SSH2: variants seen among roughly 807,000 people sequenced by gnomAD.
SSH2 encodes the protein slingshot protein phosphatase 2.
Under a neutral mutation model 135.2 loss-of-function variants are expected in SSH2, and 37 were observed. The ratio of observed to expected loss-of-function variants is 0.27; its 90% confidence interval spans 0.21 to 0.36. The LOEUF (loss-of-function observed/expected upper bound fraction) is 0.36. Among genes scored for constraint, SSH2 ranks in the 10% least tolerant of loss-of-function variants. The probability of loss-of-function intolerance (pLI) is 1.00; values close to 1 mark genes in which losing one functional copy is unlikely to be tolerated. For missense variants in SSH2, 1,408 were observed against 1,765.3 expected (o/e 0.80, Z 3.63); for synonymous variants, 628 against 646.2 (o/e 0.97, Z 0.43).
intron 3 of SSH2, chr17:29,761,496 C>T: frequency 1.1e-6 from 1 of 952,292 alleles, no homozygotes; most frequent in Non-Finnish European, 1.3e-6. Flanking sequence ...GTCCTGAGAG[C>T]GGAGAGGGTA....
chr17:29,927,082 T>C (rs1438054572), intron 1 of SSH2, among the ~76,000 whole-genome samples: 1 of 152,162 alleles, frequency 6.6e-6, no homozygotes, highest in Non-Finnish European at 1.5e-5. Flanking sequence ...AGGCATACTG[T>C]GTAAAGTAAA....
chr17:29,899,449 A>G (rs1343946708), intron 1 of SSH2, among the ~76,000 whole-genome samples: 2 of 152,348 alleles, frequency 1.3e-5, no homozygotes, highest in South Asian at 2.1e-4. Context: ...TACAAAATCA[A>G]TGTGCAAAAA....
At chr17:29,847,786 A>T (rs2043157901) in intron 2 of SSH2, among the ~76,000 whole-genome samples, 1 of 152,026 alleles carries the variant, frequency 6.6e-6, no homozygotes, top group South Asian at 2.1e-4. Context: ...TAGCATGGAC[A>T]CTCCCACCAG....
chr17:29,897,275 A>G lies in SSH2; in HGVS notation c.63+32663T>C, dbSNP rs554874363. Reference sequence around the variant, plus strand: ...CATAATGACAGGATCAAATTTACACATAACAACATTAACCTTAAACGTAAA... The same window carrying G: ...CATAATGACAGGATCAAATTTACACGTAACAACATTAACCTTAAACGTAAA... On this transcript the variant is annotated intron_variant, in intron 1 of 15. Coordinates refer to ENST00000540801, the MANE Select transcript of SSH2 (RefSeq NM_001282129.2). 2.6e-5 allele frequency among the ~76,000 whole-genome samples: 4 copies of G among 152,262 alleles called. No homozygotes were observed. In the South Asian group the frequency reaches 8.3e-4, roughly 32 times the overall value.
At chr17:29,916,814 T>C (rs2066889872) in intron 1 of SSH2, among the ~76,000 whole-genome samples, 2 of 152,178 alleles carry the variant, frequency 1.3e-5, no homozygotes, top group Non-Finnish European at 2.9e-5. Context: ...TACAAGATGC[T>C]AACACGTGGT....
intron 1 of SSH2, among the ~76,000 whole-genome samples, chr17:29,851,909 A>G (rs565985715): frequency 1.3e-5 from 2 of 152,300 alleles, no homozygotes; most frequent in African/African-American, 4.8e-5. Flanking sequence ...AAAAGTAAAA[A>G]TTAAACCAAA....
At chr17:29,760,986 T>G (rs945257638) in intron 3 of SSH2, 2 of 605,454 alleles carry the variant, frequency 3.3e-6, no homozygotes, top group East Asian at 1.8e-4. Context: ...CCCACCGTTC[T>G]ACCCCAGCAT....
rs756463581 is a variant in SSH2 at position 29,703,002 on chromosome 17, G to A, written c.249C>T (p.Gly83=). 1.9e-6 allele frequency: 3 copies of A among 1,613,830 alleles called. No individual in the cohort carries two copies. The highest frequency in any genetic ancestry group is 2.5e-6 in the Non-Finnish European group (3 of 1,179,874). The part of the protein sequence containing the change: ...GAALFLPRGN[G]SSTPRISHRR... ...TGTGGCTGATTCTTGGTGTGGATGA[G>A]CCATTTCCCCGTGGTAGAAAAAGGG... is the stretch of plus-strand genomic sequence containing the variant. The change falls in exon 4 of 16, where the codon GGC becomes GGT. Residue 83 remains glycine (G), a synonymous_variant. Transcript: ENST00000540801.
intron 3 of SSH2, among the ~76,000 whole-genome samples, chr17:29,772,855 A>C (rs542532668): frequency 6.6e-6 from 1 of 152,034 alleles, no homozygotes; most frequent in Non-Finnish European, 1.5e-5. Context: ...CCAGGTCCTT[A>C]GGTCTTTGGC....
intron 8 of SSH2, among the ~76,000 whole-genome samples, chr17:29,674,916 G>A (rs374985881): frequency 5.9e-5 from 9 of 152,220 alleles, no homozygotes; most frequent in Non-Finnish European, 7.3e-5. Context: ...TATGGGCCAC[G>A]GGTTGGACAA....
chr17:29,669,101 T>C (rs1385398683), intron 9 of SSH2, among the ~76,000 whole-genome samples: 2 of 151,552 alleles, frequency 1.3e-5, no homozygotes, highest in African/African-American at 4.9e-5. Flanking sequence ...ATACAAAAAT[T>C]AGCCGGGCAT....
intron 3 of SSH2, among the ~76,000 whole-genome samples, chr17:29,781,871 G>A (rs1407031573): frequency 2.0e-5 from 3 of 147,982 alleles, no homozygotes; most frequent in Non-Finnish European, 3.0e-5. Context: ...ACAGAGCCTC[G>A]CTTTGTCGCC....
chr17:29,778,273 A>G (rs914524255), intron 3 of SSH2, among the ~76,000 whole-genome samples: 2 of 152,290 alleles, frequency 1.3e-5, no homozygotes, highest in Non-Finnish European at 2.9e-5. Flanking sequence ...AATGAGAGAG[A>G]AAGTCCAGCT....
At chr17:29,911,994 T>C (rs924371919) in intron 1 of SSH2, among the ~76,000 whole-genome samples, 1 of 152,220 alleles carries the variant, frequency 6.6e-6, no homozygotes, top group African/African-American at 2.4e-5. Flanking sequence ...GAAAGCCATA[T>C]ACTTACTTTC....
At chr17:29,729,207 T>A (rs1014802741) in intron 3 of SSH2, among the ~76,000 whole-genome samples, 4 of 152,242 alleles carry the variant, frequency 2.6e-5, no homozygotes, top group Non-Finnish European at 5.9e-5. Context: ...AATCTAATAA[T>A]CTGATTTAAA....
At chr17:29,685,941 C>T (rs1197296667) in intron 5 of SSH2, among the ~76,000 whole-genome samples, 5 of 148,632 alleles carry the variant, frequency 3.4e-5, no homozygotes, top group Non-Finnish European at 6.0e-5. Context: ...CTCTGCCTCC[C>T]GAGTTCAAGC....
intron 1 of SSH2, among the ~76,000 whole-genome samples, chr17:29,888,903 G>A (rs549351969): frequency 3.5e-4 from 39 of 110,224 alleles, no homozygotes; most frequent in African/African-American, 1.3e-3. Context: ...CTTCACTCCA[G>A]CCTAGGTGAA....
intron 8 of SSH2, 36 bp downstream of exon 8, chr17:29,676,784 A>G: frequency 6.5e-7 from 1 of 1,539,940 alleles, no homozygotes; most frequent in East Asian, 2.2e-5. Context: ...CAATAACATT[A>G]AAACACTTTT....
chr17:29,700,424 A>G (rs1306061934), intron 4 of SSH2, among the ~76,000 whole-genome samples: 1 of 152,202 alleles, frequency 6.6e-6, no homozygotes, highest in African/African-American at 2.4e-5. Context: ...CACATTTTCT[A>G]CGGTTCTTTT....
Sources: allele counts gnomAD v4.1 joint callset (sites outside exome capture counted in the v4.1 genomes callset), GRCh38; gene constraint gnomAD v4.1.1; transcripts MANE v1.5; gene names NCBI Gene and HGNC (gene_info 2026-07-23, HGNC 2026-07-21).